The following MGAT4C variants were observed in gnomAD, a reference collection of about 807,000 sequenced individuals.
The protein encoded by MGAT4C is alpha-1,3-mannosyl-glycoprotein 4-beta-N-acetylglucosaminyltransferase C.
Under a neutral mutation model 40.1 loss-of-function variants are expected in MGAT4C, and 19 were observed. The ratio of observed to expected loss-of-function variants is 0.47; its 90% CI spans 0.33 to 0.70. The LOEUF (loss-of-function observed/expected upper bound fraction) is 0.70, where lower values mean the gene tolerates loss of function less well. Among genes scored for constraint, MGAT4C ranks in the 30% least tolerant of loss-of-function variants. The probability of loss-of-function intolerance (pLI) is 0.02; values close to 1 mark genes in which losing one functional copy is unlikely to be tolerated. For synonymous variants in MGAT4C, 181 were observed against 187.1 expected (o/e 0.97, Z 0.27); for missense variants, 491 against 563.2 (o/e 0.87, Z 1.30).
At chr12:86,587,750 G>A (rs1202271100) in intron 2 of MGAT4C, among the ~76,000 whole-genome samples, 13 of 150,826 alleles carry the variant, frequency 8.6e-5, no homozygotes, top group Admixed American at 7.3e-4. Flanking sequence ...CTCTCTGTTT[G>A]TCTCTTATTG....
At chr12:86,486,630 G>A (rs1958024901) in intron 2 of MGAT4C, among the ~76,000 whole-genome samples, 1 of 152,060 alleles carries the variant, frequency 6.6e-6, no homozygotes, top group African/African-American at 2.4e-5. Context: ...ATAATCGTGG[G>A]ACACTTTAAT....
At chr12:86,763,457 AT>A (rs1042205057) in intron 1 of MGAT4C, among the ~76,000 whole-genome samples, 1 of 152,112 alleles carries the variant, frequency 6.6e-6, no homozygotes, top group African/African-American at 2.4e-5. Context: ...GTTTCACTGG[AT>A]TTTAATTAGT....
chr12:86,634,000 A>G (rs1295532612), intron 2 of MGAT4C, among the ~76,000 whole-genome samples: 1 of 152,088 alleles, frequency 6.6e-6, no homozygotes, highest in Non-Finnish European at 1.5e-5. Flanking sequence ...GAAGAAATCA[A>G]CGGGGAAACA....
At chr12:86,053,049 A>C (rs372540330) in intron 1 of MGAT4C, among the ~76,000 whole-genome samples, 9 of 152,048 alleles carry the variant, frequency 5.9e-5, no homozygotes, top group African/African-American at 2.2e-4. Flanking sequence ...TCAGCCAAGC[A>C]AAGCGAAAGA....
At chr12:86,423,787 G>A (rs1333904881) in intron 3 of MGAT4C, among the ~76,000 whole-genome samples, 1 of 152,142 alleles carries the variant, frequency 6.6e-6, no homozygotes, top group Non-Finnish European at 1.5e-5. Context: ...CTATTAGCGT[G>A]ATTCCTCACA....
At chr12:86,058,420 T>TA (rs1423807244) in intron 1 of MGAT4C, among the ~76,000 whole-genome samples, 1 of 152,106 alleles carries the variant, frequency 6.6e-6, no homozygotes, top group Non-Finnish European at 1.5e-5. Context: ...ATGCTAATAG[T>TA]AAAAAATGTT....
intron 1 of MGAT4C, among the ~76,000 whole-genome samples, chr12:86,132,145 C>A (rs907869056): frequency 6.6e-5 from 10 of 152,086 alleles, no homozygotes; most frequent in African/African-American, 1.9e-4. Flanking sequence ...AAACAAAAAT[C>A]TCTTTGTCTT....
chr12:86,030,033 T>C (rs541310228), intron 2 of MGAT4C, among the ~76,000 whole-genome samples: 24 of 151,816 alleles, frequency 1.6e-4, no homozygotes, highest in South Asian at 1.2e-3. Flanking sequence ...TCAAACACAT[T>C]TTTTTTCCTG....
rs920370270 is a variant in MGAT4C at position 85,956,545 on chromosome 12, T to C, written c.*22744A>G. On this transcript the variant is annotated 3_prime_UTR_variant, in exon 5 of 5. Transcript: ENST00000611864. ...ACCTGTTGGGAACATTTACAGATCA[T>C]TTTTTGGATTACATTTAGTCTTTAG... 6 of 151,888 alleles carry C rather than the reference T, an allele frequency of 4.0e-5. No individual in the cohort carries two copies. The highest frequency in any genetic ancestry group is 1.5e-4 in the African/African-American group (6 of 41,136). The allele number at this position is 151,888 out of a possible 1,614,324, so 9.4% of individuals were successfully genotyped here.
chr12:86,610,333 G>A (rs1456768633), intron 2 of MGAT4C, among the ~76,000 whole-genome samples: 1 of 152,150 alleles, frequency 6.6e-6, no homozygotes, highest in Non-Finnish European at 1.5e-5. Flanking sequence ...ACCCTGGCTT[G>A]AAGAAGATGG....
At chr12:86,341,393 A>G (rs1163256908) in intron 3 of MGAT4C, among the ~76,000 whole-genome samples, 1 of 152,192 alleles carries the variant, frequency 6.6e-6, no homozygotes, top group Non-Finnish European at 1.5e-5. Flanking sequence ...CATGGAAACC[A>G]TGGAGCCTTA....
intron 1 of MGAT4C, among the ~76,000 whole-genome samples, chr12:86,153,818 A>G (rs1884592219): frequency 6.6e-6 from 1 of 152,214 alleles, no homozygotes; most frequent in African/African-American, 2.4e-5. Context: ...CTGTGAGTCA[A>G]TTAAACCTCA....
chr12:86,647,171 AT>A lies in MGAT4C; in HGVS notation c.-229+80037del, dbSNP rs552243495. Among the ~76,000 whole-genome samples, 129 of 152,060 alleles carry A rather than the reference AT, an allele frequency of 8.5e-4. 1 individual carries two copies. The highest frequency in any genetic ancestry group is 3.0e-3 in the African/African-American group (124 of 41,532). On this transcript the variant is annotated intron_variant, in intron 2 of 7. Coordinates refer to the MGAT4C transcript ENST00000548651. ...CAAGCTGACTGCAGTCCCATGAGTT[AT>A]CCCACATGAGAGCAGAGAGAAAATA...
intron 1 of MGAT4C, among the ~76,000 whole-genome samples, chr12:86,180,352 C>T (rs1011786634): frequency 2.6e-5 from 4 of 152,208 alleles, no homozygotes; most frequent in African/African-American, 9.6e-5. Flanking sequence ...AATACGGGGT[C>T]GGATCCCCAC....
chr12:86,013,349 G>T (rs1289878998), intron 2 of MGAT4C, among the ~76,000 whole-genome samples: 1 of 152,104 alleles, frequency 6.6e-6, no homozygotes, highest in Non-Finnish European at 1.5e-5. Context: ...CGCCTCCCGG[G>T]TTCACGACAT....
intron 1 of MGAT4C, among the ~76,000 whole-genome samples, chr12:86,245,284 TC>T (rs980667069): frequency 1.6e-4 from 24 of 152,154 alleles, no homozygotes; most frequent in African/African-American, 5.1e-4. Context: ...TTAGGTCTCC[TC>T]CAGTTACTGG....
intron 1 of MGAT4C, among the ~76,000 whole-genome samples, chr12:86,831,121 T>A (rs948673747): frequency 6.6e-6 from 1 of 151,706 alleles, no homozygotes; most frequent in Non-Finnish European, 1.5e-5. Context: ...AGAGTATACC[T>A]TTTTTCAATA....
intron 2 of MGAT4C, among the ~76,000 whole-genome samples, chr12:86,458,138 A>G (rs1271638010): frequency 6.6e-6 from 1 of 152,180 alleles, no homozygotes; most frequent in Non-Finnish European, 1.5e-5. Flanking sequence ...ATATGTCATT[A>G]GCACCTAAAG....
At chr12:86,195,865 T>C (rs1258317291) in intron 1 of MGAT4C, among the ~76,000 whole-genome samples, 1 of 152,192 alleles carries the variant, frequency 6.6e-6, no homozygotes, top group Non-Finnish European at 1.5e-5. Flanking sequence ...TTTTGAACTA[T>C]GTATTTACTC....
Sources: gnomAD v4.1 joint callset for allele counts (sites outside exome capture counted in the v4.1 genomes callset) on GRCh38, gnomAD v4.1.1 for gene constraint, MANE v1.5 for transcripts, NCBI Gene and HGNC (gene_info 2026-07-23, HGNC 2026-07-21) for gene names.